The following EDEM3 variants were observed in gnomAD, a reference collection of about 807,000 sequenced individuals.
EDEM3 encodes ER degradation-enhancing alpha-mannosidase-like protein 3.
In EDEM3, 60 loss-of-function variants were observed where a neutral mutation model predicts 110.2. The observed-to-expected ratio is 0.54, with a 90% CI of 0.44 to 0.67. The LOEUF is 0.67. Ranked by LOEUF, EDEM3 falls within the 30% of genes least tolerant of loss-of-function variation. The pLI, the probability that EDEM3 is intolerant of heterozygous loss-of-function variation, is 0.00. For synonymous variants in EDEM3, 352 were observed against 382.9 expected (o/e 0.92, Z 0.94); for missense variants, 996 against 1,121.0 (o/e 0.89, Z 1.59).
At chr1:184,720,168 T>C (rs528513758) in intron 9 of EDEM3, among the ~76,000 whole-genome samples, 62 of 152,332 alleles carry the variant, frequency 4.1e-4, no homozygotes, top group African/African-American at 1.4e-3. Flanking sequence ...AAAATAGTTA[T>C]TTGTCCCCAT....
At chr1:184,744,412 T>C (rs1406607799) in intron 2 of EDEM3, among the ~76,000 whole-genome samples, 1 of 151,332 alleles carries the variant, frequency 6.6e-6, no homozygotes, top group Non-Finnish European at 1.5e-5. Flanking sequence ...TTAGTAAGAC[T>C]GGAAATACCA....
At chr1:184,717,860 GAA>G (rs1650639382) in intron 11 of EDEM3, among the ~76,000 whole-genome samples, 1 of 151,808 alleles carries the variant, frequency 6.6e-6, no homozygotes, top group Non-Finnish European at 1.5e-5. Flanking sequence ...AGAAAACTCA[GAA>G]AAACTCCATA....
In EDEM3 at chr1:184,693,275, A is replaced by G. The variant is rs959554159; in HGVS notation, c.*788T>C. The G allele has an allele frequency of 1.3e-5, 2 of 154,782 alleles. No individual in the cohort carries two copies. Among genetic ancestry groups the G allele is most frequent in the African/African-American group, 4.8e-5 (2 of 41,522 alleles). 9.6% of individuals were successfully genotyped at this position (154,782 alleles called of 1,614,324 possible). On this transcript the variant is annotated 3_prime_UTR_variant, in exon 20 of 20. Transcript: ENST00000318130. ...CACAGCTTTCCCTATGGAAGGCCCA[A>G]TGGGAGGTTCATATTGCAACATTAC...
At position 184,712,575 on chromosome 1, in the gene EDEM3, T is replaced by C; in HGVS notation, c.1394A>G (p.Glu465Gly). ...EDRMDSFFLA[E>G]MFKYLYLLFA... ...TAACAGGTAAAGATATTTAAACATT[T>C]CAGCCAAGAAGAAAGAATCCATTCT... Residue 465 changes from glutamate to glycine, a missense_variant, in exon 14 of 20, where the codon GAA becomes GGA. Glu to Gly is a moderately conservative substitution (Grantham distance 98, BLOSUM62 -2). Around this residue, in one of 5 missense-constraint regions of EDEM3, gnomAD observed 310 missense variants for 394.6 expected, o/e 0.79. Transcript: ENST00000318130. 1 of 1,548,980 alleles carries C rather than the reference T, an allele frequency of 6.5e-7. No homozygotes were observed. Among genetic ancestry groups the C allele is most frequent in the Non-Finnish European group, 8.7e-7 (1 of 1,143,964 alleles).
At position 184,726,845 on chromosome 1, in the gene EDEM3, G is replaced by GA. The variant is rs573537777; in HGVS notation, c.613-457dup. ...TATATATTAACTAGTTCACCATAGA[G>GA]AAAAAACGGATTGTTATGGTATACA... On this transcript the variant is annotated intron_variant, in intron 6 of 19. Coordinates refer to ENST00000318130, the MANE Select transcript of EDEM3 (RefSeq NM_025191.4). 8.5e-5 allele frequency among the ~76,000 whole-genome samples: 13 copies of GA among 152,288 alleles called. No individual in the cohort carries two copies. In the South Asian group the frequency reaches 2.7e-3, roughly 32 times the overall value.
At chr1:184,738,271 T>C (rs939650607) in intron 2 of EDEM3, among the ~76,000 whole-genome samples, 4 of 152,214 alleles carry the variant, frequency 2.6e-5, no homozygotes, top group African/African-American at 7.2e-5. Context: ...TGAAGTAGAT[T>C]CAATTATCTC....
At chr1:184,730,105 G>A (rs905869539) in intron 6 of EDEM3, among the ~76,000 whole-genome samples, 14 of 151,950 alleles carry the variant, frequency 9.2e-5, no homozygotes, top group African/African-American at 2.2e-4. Flanking sequence ...ATACAGTAAC[G>A]GTTAAATGAC....
At chr1:184,744,671 T>A (rs1309392914) in intron 2 of EDEM3, among the ~76,000 whole-genome samples, 9 of 151,930 alleles carry the variant, frequency 5.9e-5, no homozygotes, top group African/African-American at 2.2e-4. Flanking sequence ...CAAATACTCA[T>A]TAAATGGTGA....
At chr1:184,753,051 T>C (rs925157213) in intron 1 of EDEM3, among the ~76,000 whole-genome samples, 2 of 152,234 alleles carry the variant, frequency 1.3e-5, no homozygotes, top group African/African-American at 4.8e-5. Flanking sequence ...TTCAGCTTTT[T>C]TCCATCAAGT....
chr1:184,750,625 G>GC (rs1485861345), intron 1 of EDEM3, among the ~76,000 whole-genome samples: 1 of 150,864 alleles, frequency 6.6e-6, no homozygotes, highest in African/African-American at 2.4e-5. Flanking sequence ...CGATTCTCCT[G>GC]CCTCAGCCTC....
rs751305996 is a variant in EDEM3 at position 184,737,054 on chromosome 1, T to C, written c.316A>G (p.Thr106Ala). The C allele has an allele frequency of 6.2e-7, 1 of 1,602,538 alleles. No homozygotes were observed. Among genetic ancestry groups the C allele is most frequent in the Admixed American group, 1.7e-5 (1 of 59,050 alleles). Reference protein sequence around the residue: ...VDDALGKFSLTLIDSLDTLVV... With the variant: ...VDDALGKFSLALIDSLDTLVV... ...AGAGTGTCCAAAGAATCAATCAGTG[T>C]CAGAGAAAATCTAAGAAACAAGCGT... Residue 106 changes from threonine (T) to alanine (A), a missense_variant, in exon 4 of 20, where the codon ACA becomes GCA. Transcript: ENST00000318130.
intron 6 of EDEM3, among the ~76,000 whole-genome samples, chr1:184,730,374 G>A (rs1651440522): frequency 6.6e-6 from 1 of 152,136 alleles, no homozygotes; most frequent in Non-Finnish European, 1.5e-5. Flanking sequence ...TTAAGCCCAG[G>A]AGTCTGAGAC....
intron 14 of EDEM3, among the ~76,000 whole-genome samples, chr1:184,712,139 G>C (rs968889737): frequency 3.9e-5 from 6 of 151,978 alleles, no homozygotes; most frequent in Non-Finnish European, 8.8e-5. Context: ...TGTTAGCCAG[G>C]ATGGTCTCAA....
chr1:184,690,917 C>CT lies in EDEM3; in HGVS notation c.*3145dup, dbSNP rs1649036089. 1 of 152,222 alleles carries CT rather than the reference C, an allele frequency of 6.6e-6. No homozygotes were observed. Among genetic ancestry groups the CT allele is most frequent in the Non-Finnish European group, 1.5e-5 (1 of 67,950 alleles). 9.4% of individuals were successfully genotyped at this position (152,222 alleles called of 1,614,324 possible). A position where few individuals can be genotyped will look rare whatever the true frequency, so the allele number is the denominator to read the frequency against. ...CAGTATTTGAATTACTTATGCTGAG[C>CT]TTTCTTCATGATGAATTTGGCATGG... On this transcript the variant is annotated 3_prime_UTR_variant, in exon 20 of 20. Coordinates refer to ENST00000318130, the MANE Select transcript of EDEM3 (RefSeq NM_025191.4).
Position 184,711,818 on chromosome 1 carries a change from C to A in EDEM3, c.1596G>T (p.Gln532His), listed in dbSNP as rs1558049072. The A allele has an allele frequency of 1.2e-6, 2 of 1,613,492 alleles. No individual in the cohort carries two copies. The highest frequency in any genetic ancestry group is 1.7e-6 in the Non-Finnish European group (2 of 1,179,630). ...ACAATGGGTCATTAGGAAAGAGGAT[C>A]TGAGTATTTGGACAAGTCCAATCGA... ...SNFDWTCPNT[Q>H]ILFPNDPLYA... Residue 532 changes from glutamine to histidine, a missense_variant, in exon 15 of 20, where the codon CAG becomes CAT. By Grantham distance (24) the Gln-to-His change is conservative (BLOSUM62 0). Coordinates refer to ENST00000318130, the MANE Select transcript of EDEM3 (RefSeq NM_025191.4).
rs376800699 is a variant in EDEM3, at chr1:184,721,390, T to A, written c.854-4A>T. 6.4e-7 allele frequency: 1 copy of A among 1,574,240 alleles called. No homozygotes were observed. The highest frequency in any genetic ancestry group is 1.4e-5 in the African/African-American group (1 of 72,314). On this transcript the variant is annotated splice_polypyrimidine_tract_variant and splice_region_variant and intron_variant, in intron 8 of 19. Coordinates refer to ENST00000318130, the MANE Select transcript of EDEM3 (RefSeq NM_025191.4). ...ATCCCTGCTCCAACTCCACTATCTA[T>A]GGAAACACAAATGTGATTTTTCATT...
chr1:184,710,298 G>T, intron 16 of EDEM3, 96 bp downstream of exon 16: 2 of 1,419,878 alleles, frequency 1.4e-6, no homozygotes, highest in South Asian at 3.0e-5. Flanking sequence ...TATATTTAAA[G>T]TGTTTAGAAA....
intron 7 of EDEM3, among the ~76,000 whole-genome samples, chr1:184,725,594 T>C (rs567530950): frequency 6.6e-6 from 1 of 152,012 alleles, no homozygotes; most frequent in African/African-American, 2.4e-5. Context: ...AATGCTACTA[T>C]ACAGTCCCTA....
rs756595797 is a variant in EDEM3 at position 184,694,352 on chromosome 1, T to C, written c.2510A>G (p.Glu837Gly). 4 of 1,612,888 alleles carry C rather than the reference T, an allele frequency of 2.5e-6. No individual in the cohort carries two copies. In the Admixed American group the frequency reaches 6.7e-5, roughly 27 times the overall value. The change falls in exon 20 of 20, where the codon GAA becomes GGA. Residue 837 changes from glutamate to glycine, a missense_variant. Transcript: ENST00000318130. ...TTCTGGGTGAGAATTTAGAGAATTT[T>C]CCTCAGAAGACTCTTGATCAACCAA... is the stretch of plus-strand genomic sequence containing the variant. ...VDLVDQESSE[E>G]NSLNSHPESL...
Sources: allele counts gnomAD v4.1 joint callset (sites outside exome capture counted in the v4.1 genomes callset), GRCh38; gene constraint gnomAD v4.1.1; regional missense constraint gnomAD v4.1.1; transcripts MANE v1.5; gene names NCBI Gene and HGNC (gene_info 2026-07-23, HGNC 2026-07-21).